CD1B: variants seen among roughly 807,000 people sequenced by gnomAD.
CD1B encodes the protein T-cell surface glycoprotein CD1b.
A neutral mutation model predicts 39.8 loss-of-function variants in CD1B; 43 were observed. The ratio of observed to expected loss-of-function variants is 1.08; its 90% CI spans 0.85 to 1.39. CD1B has a LOEUF of 1.39. Among genes scored for constraint, CD1B ranks in the 40% most tolerant of loss-of-function variants. CD1B has a pLI of 0.00. For missense variants in CD1B, 495 were observed against 403.8 expected, an observed-to-expected ratio of 1.23 and a Z score of -1.94; for synonymous variants, 192 against 152.5, an observed-to-expected ratio of 1.26 and a Z score of -1.91.
chr1:158,301,668 C>G, the CD1B span, among the ~76,000 whole-genome samples: 1 of 152,272 alleles, frequency 6.6e-6, no homozygotes, highest in East Asian at 1.9e-4. Context: ...CTGTTAGTCT[C>G]ATGGGCTTCC....
Position 158,330,489 on chromosome 1 carries a change from A to G in CD1B, c.328+307T>C, listed in dbSNP as rs568022370. ...GGATTAGGGGAGAAAGCCACACGTT[A>G]GATCACTCAGGCACAGGGTAGGAGA... On this transcript the variant is annotated intron_variant, in intron 2 of 5. Transcript: ENST00000368168. The G allele has an allele frequency of 3.3e-4, 190 of 572,956 alleles. No homozygotes were observed. The South Asian group carries it at 3.4e-3, about 10-fold the overall frequency. The allele number at this position is 572,956 out of a possible 1,614,324, so 35.5% of individuals were successfully genotyped here.
the CD1B span, among the ~76,000 whole-genome samples, chr1:158,297,276 A>G: frequency 1.3e-5 from 2 of 152,228 alleles, no homozygotes; most frequent in African/African-American, 4.8e-5. Flanking sequence ...CTTAGAAGCC[A>G]GAAGACATTG....
chr1:158,304,687 C>T, the CD1B span, among the ~76,000 whole-genome samples: 5 of 152,184 alleles, frequency 3.3e-5, no homozygotes, highest in African/African-American at 4.8e-5. Flanking sequence ...GAGGCACCTC[C>T]CAGTAGGGGC....
the CD1B span, among the ~76,000 whole-genome samples, chr1:158,306,117 A>G: frequency 6.6e-6 from 1 of 152,244 alleles, no homozygotes; most frequent in Non-Finnish European, 1.5e-5. Flanking sequence ...AAATGCTCCA[A>G]TTAAAAGACA....
At chr1:158,305,821 T>A in the CD1B span, among the ~76,000 whole-genome samples, 1 of 152,284 alleles carries the variant, frequency 6.6e-6, no homozygotes, top group South Asian at 2.1e-4. Flanking sequence ...ATTTCATATG[T>A]AGCCAAACTA....
At position 158,331,007 on chromosome 1, in the gene CD1B, A is replaced by G. The variant is rs76836473; in HGVS notation, c.117T>C (p.Ser39=). The part of the protein sequence containing the change: ...HVIQTSSFTN[S]TWAQTQGSGW... ...CTGAGCCTTGAGTTTGTGCCCAGGT[A>G]CTATTGGTAAAGGACGAGGTCTGGA... The change falls in exon 2 of 6, where the codon AGT becomes AGC. Residue 39 remains serine, a synonymous_variant. Coordinates refer to ENST00000368168, the MANE Select transcript of CD1B (RefSeq NM_001764.3). 2 of 1,614,140 alleles carry G rather than the reference A, an allele frequency of 1.2e-6. No individual in the cohort carries two copies. The highest frequency in any genetic ancestry group is 2.2e-5 in the East Asian group (1 of 44,888).
At chr1:158,324,790 C>T (rs1005141710), downstream of CD1B, among the ~76,000 whole-genome samples, 4 of 151,954 alleles carry the variant, frequency 2.6e-5, 1 homozygote, top group Non-Finnish European at 4.4e-5. Flanking sequence ...CAAGAAGTTT[C>T]GGCAAGAACC....
At chr1:158,301,774 C>A in the CD1B span, among the ~76,000 whole-genome samples, 2 of 152,034 alleles carry the variant, frequency 1.3e-5, no homozygotes, top group East Asian at 3.9e-4. Context: ...TGGGGTTGCT[C>A]TTCTCATGGA....
the CD1B span, among the ~76,000 whole-genome samples, chr1:158,321,920 C>T: frequency 6.6e-6 from 1 of 152,126 alleles, no homozygotes; most frequent in African/African-American, 2.4e-5. Context: ...TCCCTCCTCT[C>T]ATCCACCACA....
At chr1:158,287,304 G>T in the CD1B span, among the ~76,000 whole-genome samples, 2 of 150,862 alleles carry the variant, frequency 1.3e-5, no homozygotes, top group East Asian at 3.9e-4. Context: ...CACACACACA[G>T]AGACAGAGAG....
the CD1B span, chr1:158,293,239 C>T: frequency 3.1e-6 from 5 of 1,613,988 alleles, no homozygotes; most frequent in Non-Finnish European, 4.2e-6. Context: ...AATTGGATTG[C>T]CTTGGTAGTG....
the CD1B span, among the ~76,000 whole-genome samples, chr1:158,302,172 AAC>A: frequency 6.6e-6 from 1 of 152,148 alleles, no homozygotes; most frequent in Non-Finnish European, 1.5e-5. Context: ...ATAGCAATTA[AAC>A]AATTTCTGGT....
intron 2 of CD1B, chr1:158,330,480 C>T: frequency 1.8e-6 from 1 of 561,376 alleles, no homozygotes. Context: ...GGGGAGAAAG[C>T]CACACGTTAG....
chr1:158,322,488 A>T, the CD1B span, among the ~76,000 whole-genome samples: 102 of 8,644 alleles, frequency 0.012, no homozygotes, highest in South Asian at 0.07. Flanking sequence ...GCTGAACTCA[A>T]ATCCTTGGGT....
chr1:158,298,914 G>T, the CD1B span, among the ~76,000 whole-genome samples: 1 of 152,134 alleles, frequency 6.6e-6, no homozygotes, highest in Non-Finnish European at 1.5e-5. Context: ...AGAGATTTTG[G>T]GCTGAGGTGA....
chr1:158,292,893 A>G, the CD1B span: 1 of 1,611,812 alleles, frequency 6.2e-7, no homozygotes, highest in Non-Finnish European at 8.5e-7. Context: ...GGAGGTTGGA[A>G]GTGTAGGTAG....
At chr1:158,315,112 A>T in the CD1B span, among the ~76,000 whole-genome samples, 1 of 151,808 alleles carries the variant, frequency 6.6e-6, no homozygotes, top group Non-Finnish European at 1.5e-5. Flanking sequence ...TGCCGCAATA[A>T]ACACACGTGT....
At chr1:158,305,166 C>G in the CD1B span, among the ~76,000 whole-genome samples, 1 of 151,844 alleles carries the variant, frequency 6.6e-6, no homozygotes, top group Non-Finnish European at 1.5e-5. Flanking sequence ...TCGAACTCAT[C>G]GCAAAGAAGT....
the CD1B span, among the ~76,000 whole-genome samples, chr1:158,303,708 C>G: frequency 6.6e-6 from 1 of 152,036 alleles, no homozygotes; most frequent in African/African-American, 2.4e-5. Context: ...AGGAATATAG[C>G]TAACCAAGAA....
Sources: gnomAD v4.1 joint callset for allele counts (sites outside exome capture counted in the v4.1 genomes callset) on GRCh38, gnomAD v4.1.1 for gene constraint, MANE v1.5 for transcripts, NCBI Gene and HGNC (gene_info 2026-07-23, HGNC 2026-07-21) for gene names.